CTIF: variants seen among roughly 807,000 people sequenced by gnomAD.
The protein encoded by CTIF is CBP80/20-dependent translation initiation factor.
In CTIF, 21 loss-of-function variants were observed where a neutral mutation model predicts 66.0. The observed-to-expected ratio is 0.32, with a 90% CI of 0.23 to 0.46. The LOEUF is 0.46. Ranked by LOEUF, CTIF falls within the 20% of genes least tolerant of loss-of-function variation. The probability of loss-of-function intolerance (pLI) is 1.00; values close to 1 mark genes in which losing one functional copy is unlikely to be tolerated. For missense variants in CTIF, 739 were observed against 812.7 expected, an observed-to-expected ratio of 0.91 and a Z score of 1.10; for synonymous variants, 345 against 326.4, an observed-to-expected ratio of 1.06 and a Z score of -0.62.
chr18:48,820,106 C>A (rs2068451755), intron 10 of CTIF, among the ~76,000 whole-genome samples: 1 of 152,176 alleles, frequency 6.6e-6, no homozygotes, highest in Non-Finnish European at 1.5e-5. Context: ...CAGGGACAAA[C>A]AGCTGGTCCA....
At chr18:48,689,176 G>T (rs1424061661) in intron 6 of CTIF, among the ~76,000 whole-genome samples, 1 of 152,238 alleles carries the variant, frequency 6.6e-6, no homozygotes, top group East Asian at 1.9e-4. Context: ...ATTGTTCTCT[G>T]TTCTGCATAC....
intron 10 of CTIF, chr18:48,826,075 T>A (rs2068576398): frequency 6.6e-6 from 1 of 152,234 alleles, no homozygotes; most frequent in South Asian, 2.1e-4. Context: ...CGTGGGACTT[T>A]AACCTCATTC....
chr18:48,576,559 G>A (rs889330610), intron 1 of CTIF, among the ~76,000 whole-genome samples: 5 of 152,184 alleles, frequency 3.3e-5, no homozygotes, highest in African/African-American at 9.7e-5. Context: ...GAAATAAGCC[G>A]GGAGAAGCCA....
chr18:48,604,170 T>TTG (rs1555652977), intron 1 of CTIF, among the ~76,000 whole-genome samples: 2 of 98,012 alleles, frequency 2.0e-5, no homozygotes, highest in Admixed American at 1.0e-4. Flanking sequence ...TTTTAAGGGT[T>TTG]TTTTTTTTTT....
intron 9 of CTIF, among the ~76,000 whole-genome samples, chr18:48,784,296 A>G (rs961568057): frequency 6.6e-6 from 1 of 152,218 alleles, no homozygotes; most frequent in African/African-American, 2.4e-5. Context: ...GGGGTGCCAA[A>G]CAAAGAAACG....
chr18:48,798,006 T>C (rs138794405), intron 9 of CTIF, among the ~76,000 whole-genome samples: 1 of 152,200 alleles, frequency 6.6e-6, no homozygotes, highest in East Asian at 1.9e-4. Flanking sequence ...GTGTCTCTTA[T>C]CACCTGGGTA....
At chr18:48,622,069 G>A (rs985339722) in intron 2 of CTIF, among the ~76,000 whole-genome samples, 1 of 152,228 alleles carries the variant, frequency 6.6e-6, no homozygotes, top group Non-Finnish European at 1.5e-5. Context: ...TTTAACCAGG[G>A]TGGAGGTTTC....
chr18:48,727,158 T>C (rs533472703), intron 7 of CTIF, among the ~76,000 whole-genome samples: 1 of 151,666 alleles, frequency 6.6e-6, no homozygotes, highest in South Asian at 2.1e-4. Flanking sequence ...TTAGATACAC[T>C]TATTCAAGAA....
chr18:48,562,978 G>A (rs1429735316), intron 1 of CTIF, among the ~76,000 whole-genome samples: 3 of 152,168 alleles, frequency 2.0e-5, no homozygotes, highest in Non-Finnish European at 4.4e-5. Flanking sequence ...AGATATTGAC[G>A]CTGAAAGGAG....
At chr18:48,690,687 G>T (rs756900233) in intron 6 of CTIF, among the ~76,000 whole-genome samples, 1 of 151,908 alleles carries the variant, frequency 6.6e-6, no homozygotes, top group African/African-American at 2.4e-5. Context: ...CCTGCAACAC[G>T]CACAGGACCC....
At chr18:48,596,783 G>C (rs1199419028) in intron 1 of CTIF, among the ~76,000 whole-genome samples, 2 of 152,166 alleles carry the variant, frequency 1.3e-5, no homozygotes, top group Non-Finnish European at 2.9e-5. Flanking sequence ...TCTGGAATCA[G>C]TTCCTTTAAA....
intron 1 of CTIF, among the ~76,000 whole-genome samples, chr18:48,610,628 A>G (rs1430925024): frequency 6.6e-6 from 1 of 152,160 alleles, no homozygotes; most frequent in Non-Finnish European, 1.5e-5. Flanking sequence ...CTCAGCCCCC[A>G]TTCTGGGTGC....
chr18:48,760,315 GTGTT>G (rs901526012), intron 8 of CTIF: 8 of 152,014 alleles, frequency 5.3e-5, no homozygotes, highest in African/African-American at 1.9e-4. Flanking sequence ...AGCCTCCTGA[GTGTT>G]TGGTTCTCAA....
At chr18:48,719,599 A>T (rs1313238632) in intron 7 of CTIF, among the ~76,000 whole-genome samples, 2 of 152,258 alleles carry the variant, frequency 1.3e-5, no homozygotes, top group Admixed American at 6.5e-5. Context: ...TTTTGCAGTC[A>T]GTCATTGACA....
At chr18:48,794,013 C>T (rs2067852584) in intron 9 of CTIF, among the ~76,000 whole-genome samples, 2 of 147,778 alleles carry the variant, frequency 1.4e-5, no homozygotes, top group South Asian at 2.2e-4. Flanking sequence ...CTACAGATTT[C>T]ATCCCCATCC....
chr18:48,790,929 C>G (rs888976902), intron 9 of CTIF, among the ~76,000 whole-genome samples: 2 of 152,210 alleles, frequency 1.3e-5, no homozygotes, highest in Non-Finnish European at 2.9e-5. Flanking sequence ...CCTCCTCTAG[C>G]CAGCTTCCCC....
intron 7 of CTIF, among the ~76,000 whole-genome samples, chr18:48,730,855 A>T (rs1476704365): frequency 1.4e-5 from 2 of 138,824 alleles, no homozygotes; most frequent in Admixed American, 7.2e-5. Flanking sequence ...CCCCCGCAGC[A>T]TGAGGGGCCT....
chr18:48,553,435 G>T (rs1303998572), intron 1 of CTIF, among the ~76,000 whole-genome samples: 7 of 152,188 alleles, frequency 4.6e-5, no homozygotes, highest in Admixed American at 4.6e-4. Context: ...CAGGTGGCTG[G>T]CAGATGACGG....
chr18:48,823,630 T>C (rs2068526809), intron 10 of CTIF, among the ~76,000 whole-genome samples: 1 of 152,232 alleles, frequency 6.6e-6, no homozygotes, highest in South Asian at 2.1e-4. Context: ...TCACTCAAGA[T>C]TGCTTTGGCT....
Sources: gnomAD v4.1 joint callset for allele counts (sites outside exome capture counted in the v4.1 genomes callset) on GRCh38, gnomAD v4.1.1 for gene constraint, MANE v1.5 for transcripts, NCBI Gene and HGNC (gene_info 2026-07-23, HGNC 2026-07-21) for gene names.